The following ANKRD27 variants were observed in gnomAD, a reference collection of about 807,000 sequenced individuals.
ANKRD27 encodes the protein ankyrin repeat domain 27.
A neutral mutation model predicts 129.7 loss-of-function variants in ANKRD27; 112 were observed. The ratio of observed to expected loss-of-function variants is 0.86; its 90% CI spans 0.74 to 1.01. ANKRD27 has a LOEUF of 1.01. Among genes scored for constraint, ANKRD27 ranks in the 50% least tolerant of loss-of-function variants. The pLI is 0.00. For missense variants in ANKRD27, 1,258 were observed against 1,300.5 expected (o/e 0.97, Z 0.50); for synonymous variants, 516 against 511.2 (o/e 1.01, Z -0.13).
Position 32,608,005 on chromosome 19 carries a change from C to CTT in ANKRD27, c.2176-175_2176-174dup, listed in dbSNP as rs35228145. 1.3e-3 allele frequency among the ~76,000 whole-genome samples: 191 copies of CTT among 143,480 alleles called. 1 individual carries two copies. Among genetic ancestry groups the CTT allele is most frequent in the East Asian group, 2.0e-3 (10 of 4,896 alleles). 94.1% of individuals were successfully genotyped at this position (143,480 alleles called of 152,430 possible). ...ATGTGGCATGCCAAAAAACAACTTC[C>CTT]TTTTTTTTTTTTTGAGACAGGGTCT... On this transcript the variant is annotated intron_variant, in intron 22 of 28. Coordinates refer to ENST00000306065, the MANE Select transcript of ANKRD27 (RefSeq NM_032139.3).
At position 32,643,593 on chromosome 19, in the gene ANKRD27, C is replaced by G. The variant is rs1225456270; in HGVS notation, c.564G>C (p.Gln188His). The change falls in exon 6 of 29, where the codon CAG becomes CAC. Residue 188 changes from glutamine (Q) to histidine (H), a missense_variant. By Grantham distance (24) the Gln-to-His change is conservative. Coordinates refer to ENST00000306065, the MANE Select transcript of ANKRD27 (RefSeq NM_032139.3). ...ANALYTKCLQQLLRDSHLKML... is the reference protein window; with the variant it reads ...ANALYTKCLQHLLRDSHLKML... Reference sequence around the variant, plus strand: ...TTACCAGGTGAGAGTCCCTCAGAAGCTGCTGGAGGCATTTGGTGTAGAGAG... The same window carrying G: ...TTACCAGGTGAGAGTCCCTCAGAAGGTGCTGGAGGCATTTGGTGTAGAGAG... 10 of 1,614,050 alleles carry G rather than the reference C, an allele frequency of 6.2e-6. No homozygotes were observed. Among genetic ancestry groups the G allele is most frequent in the Non-Finnish European group, 8.5e-6 (10 of 1,180,022 alleles).
chr19:32,615,903 C>T (rs568067144), intron 21 of ANKRD27, 123 bp from the exon 22 acceptor site: 5 of 1,340,546 alleles, frequency 3.7e-6, no homozygotes, highest in Non-Finnish European at 5.1e-6. Context: ...AACCCCACAG[C>T]CATTTATAAC....
intron 12 of ANKRD27, among the ~76,000 whole-genome samples, chr19:32,634,290 G>A (rs562951441): frequency 6.6e-6 from 1 of 152,274 alleles, no homozygotes; most frequent in East Asian, 1.9e-4. Flanking sequence ...TAAGACAGAG[G>A]CCATGATACA....
chr19:32,613,923 T>C (rs1971872384), intron 22 of ANKRD27, among the ~76,000 whole-genome samples: 1 of 152,078 alleles, frequency 6.6e-6, no homozygotes. Flanking sequence ...TTAGCCAGGA[T>C]GGTCTTGATC....
intron 2 of ANKRD27, among the ~76,000 whole-genome samples, chr19:32,650,562 C>T (rs1272733030): frequency 2.0e-5 from 3 of 151,902 alleles, no homozygotes; most frequent in Non-Finnish European, 2.9e-5. Context: ...TGGCATGTGC[C>T]TGTAATCCCA....
chr19:32,606,652 C>T (rs1971744108), intron 23 of ANKRD27, among the ~76,000 whole-genome samples: 1 of 54,808 alleles, frequency 1.8e-5, no homozygotes, highest in Non-Finnish European at 5.6e-5. Flanking sequence ...GAGCTGCAAT[C>T]GCCACTCCGA....
chr19:32,625,803 G>A (rs911862596), intron 17 of ANKRD27, 71 bp downstream of exon 17: 3 of 1,253,014 alleles, frequency 2.4e-6, no homozygotes, highest in Non-Finnish European at 2.2e-6. Flanking sequence ...ATACATTAAT[G>A]AGAAATCCCG....
chr19:32,666,601 G>A (rs1012897503), intron 1 of ANKRD27, among the ~76,000 whole-genome samples: 2 of 151,614 alleles, frequency 1.3e-5, no homozygotes, highest in African/African-American at 4.9e-5. Context: ...CTCAGAGGGG[G>A]TGCCTACAAA....
At chr19:32,605,109 C>A (rs1971712369) in intron 24 of ANKRD27, among the ~76,000 whole-genome samples, 1 of 152,088 alleles carries the variant, frequency 6.6e-6, no homozygotes, top group South Asian at 2.1e-4. Flanking sequence ...CCGTGGCTTA[C>A]ACCCGTAATC....
rs145367017 is a variant in ANKRD27 at position 32,606,958 on chromosome 19, A to G, written c.2373+677T>C. On this transcript the variant is annotated intron_variant, in intron 23 of 28. Transcript: ENST00000306065. ...TCTCCACAAAAAAAAAAAAAAAAAA[A>G]AAAAAAAAAAAAAAAAGAAAAATTT... is the stretch of plus-strand genomic sequence containing the variant. Among the ~76,000 whole-genome samples, 340 of 125,992 alleles carry G rather than the reference A, an allele frequency of 2.7e-3. 3 individuals are homozygous for G. Among genetic ancestry groups the G allele is most frequent in the African/African-American group, 9.0e-3 (272 of 30,242 alleles). The allele number at this position is 125,992 out of a possible 152,430, so 82.7% of individuals were successfully genotyped here. A position where few individuals can be genotyped will look rare whatever the true frequency, so the allele number is the denominator to read the frequency against.
At chr19:32,666,127 C>T (rs550478240) in intron 1 of ANKRD27, among the ~76,000 whole-genome samples, 4 of 152,300 alleles carry the variant, frequency 2.6e-5, no homozygotes, top group Admixed American at 1.3e-4. Context: ...ATGTCTTCTT[C>T]GATGTCCTCC....
At chr19:32,666,836 G>A (rs1400929528) in intron 1 of ANKRD27, among the ~76,000 whole-genome samples, 2 of 151,776 alleles carry the variant, frequency 1.3e-5, no homozygotes, top group African/African-American at 4.8e-5. Context: ...TAGTAGAGAC[G>A]GGGTTTCATC....
chr19:32,603,939 T>A (rs1179675776), intron 25 of ANKRD27, among the ~76,000 whole-genome samples: 1 of 152,192 alleles, frequency 6.6e-6, no homozygotes, highest in Non-Finnish European at 1.5e-5. Context: ...CAGAACATCA[T>A]GACTTGCTCC....
intron 3 of ANKRD27, among the ~76,000 whole-genome samples, chr19:32,649,308 C>A (rs1967365458): frequency 6.6e-6 from 1 of 152,102 alleles, no homozygotes; most frequent in East Asian, 1.9e-4. Flanking sequence ...AATATTCATC[C>A]CTGATGTCCT....
Position 32,642,153 on chromosome 19 carries a change from A to T in ANKRD27, c.783-8T>A, listed in dbSNP as rs775427486. The T allele has an allele frequency of 6.3e-7, 1 of 1,577,926 alleles. No individual in the cohort carries two copies. Among genetic ancestry groups the T allele is most frequent in the Admixed American group, 1.8e-5 (1 of 56,042 alleles). On this transcript the variant is annotated splice_region_variant and splice_polypyrimidine_tract_variant and intron_variant, in intron 9 of 28. Transcript: ENST00000306065. ...GCACGAGGTATGTTAAAGCTGTAAAATAATTTGGAAAGTGACAACTTCAGA... is the reference window on the plus strand; with the variant it reads ...GCACGAGGTATGTTAAAGCTGTAAATTAATTTGGAAAGTGACAACTTCAGA...
chr19:32,632,527 G>A (rs1260109775), intron 12 of ANKRD27, among the ~76,000 whole-genome samples: 1 of 148,180 alleles, frequency 6.7e-6, no homozygotes, highest in African/African-American at 2.5e-5. Context: ...GGAGGTTGCG[G>A]TGAGCCAAGA....
intron 15 of ANKRD27, among the ~76,000 whole-genome samples, chr19:32,627,077 G>T (rs1042946249): frequency 6.6e-6 from 1 of 152,170 alleles, no homozygotes; most frequent in South Asian, 2.1e-4. Flanking sequence ...ATGGAAAAGA[G>T]ACTTAGACTT....
In ANKRD27 at chr19:32,605,924, T is replaced by G; in HGVS notation, c.2404A>C (p.Lys802Gln). ...CCACTGAGGTCCTTCTTATTGGGTTTTGCATTCGAATCTAACAGACACTTC... is the reference window on the plus strand; with the variant it reads ...CCACTGAGGTCCTTCTTATTGGGTTGTGCATTCGAATCTAACAGACACTTC... ...VVKCLLDSNA[K>Q]PNKKDLSGNT... Residue 802 changes from lysine to glutamine, a missense_variant, in exon 24 of 29, where the codon AAA becomes CAA. Lys to Gln is a moderately conservative substitution (Grantham distance 53). Transcript: ENST00000306065. 1 of 1,613,930 alleles carries G rather than the reference T, an allele frequency of 6.2e-7. No individual in the cohort carries two copies. The highest frequency in any genetic ancestry group is 8.5e-7 in the Non-Finnish European group (1 of 1,179,968).
rs370937928 is a variant in ANKRD27, at chr19:32,607,746, G to A, written c.2262C>T (p.His754=). The change falls in exon 23 of 29, where the codon CAC becomes CAT. Residue 754 remains histidine (H), a synonymous_variant. Transcript: ENST00000306065. ...GGAGGGGGATGAGGTCCGCCCGGCC[G>A]TGCAGGGCGGCGACATGCAGCGGGG... ...GSSPLHVAAL[H]GRADLIPLLL... 1.0e-4 allele frequency: 167 copies of A among 1,612,646 alleles called. No individual in the cohort carries two copies. Among genetic ancestry groups the A allele is most frequent in the Admixed American group, 3.5e-4 (21 of 59,848 alleles).
Sources: gnomAD v4.1 joint callset for allele counts (sites outside exome capture counted in the v4.1 genomes callset) on GRCh38, gnomAD v4.1.1 for gene constraint, MANE v1.5 for transcripts, NCBI Gene and HGNC (gene_info 2026-07-23, HGNC 2026-07-21) for gene names.